LHFPL2: variants seen among roughly 807,000 people sequenced by gnomAD.
The protein encoded by LHFPL2 is LHFPL tetraspan subfamily member 2.
LHFPL2 carries 7 observed loss-of-function variants against 17.5 expected under a neutral mutation model. The observed-to-expected ratio is 0.40, with a 90% CI of 0.23 to 0.75. The LOEUF is 0.75. Among genes scored for constraint, LHFPL2 ranks in the 30% least tolerant of loss-of-function variants. The pLI, the probability that LHFPL2 is intolerant of heterozygous loss-of-function variation, is 0.37. For missense variants in LHFPL2, 241 were observed against 294.8 expected, an observed-to-expected ratio of 0.82 and a Z score of 1.34; for synonymous variants, 134 against 116.2, an observed-to-expected ratio of 1.15 and a Z score of -0.99.
chr5:78,587,491 T>G (rs1244427907), intron 2 of LHFPL2, among the ~76,000 whole-genome samples: 1 of 152,214 alleles, frequency 6.6e-6, no homozygotes, highest in Non-Finnish European at 1.5e-5. Context: ...AGTGGGAGAC[T>G]TAGGCTTGAA....
At chr5:78,491,996 T>C (rs1328428558) in intron 4 of LHFPL2, among the ~76,000 whole-genome samples, 1 of 152,208 alleles carries the variant, frequency 6.6e-6, no homozygotes, top group Non-Finnish European at 1.5e-5. Context: ...TCTTAAATAT[T>C]TCTAAGGCCT....
chr5:78,612,341 T>C (rs1744449002), intron 2 of LHFPL2, among the ~76,000 whole-genome samples: 1 of 152,236 alleles, frequency 6.6e-6, no homozygotes, highest in Non-Finnish European at 1.5e-5. Context: ...AAATCAGTAG[T>C]AGCAGAGTAG....
In LHFPL2 at chr5:78,598,702, C is replaced by G. The variant is rs556559142; in HGVS notation, c.-245+33562G>C. Among the ~76,000 whole-genome samples the G allele has an allele frequency of 5.3e-5, 8 of 152,286 alleles. No individual in the cohort carries two copies. The East Asian group carries it at 1.5e-3, about 29-fold the overall frequency. The stretch of plus-strand genomic sequence containing the variant: ...TTTTATAGCATAAAAATTTAATTCA[C>G]TCCAACAAAATAGATCTCATGTTTC... On this transcript the variant is annotated intron_variant, in intron 2 of 4. Transcript: ENST00000380345.
intron 3 of LHFPL2, among the ~76,000 whole-genome samples, chr5:78,535,637 A>G (rs1160184905): frequency 1.3e-5 from 2 of 151,944 alleles, no homozygotes; most frequent in Non-Finnish European, 2.9e-5. Context: ...TCCCACCCCA[A>G]TGCTGATGCT....
chr5:78,614,664 A>T (rs916543197), intron 2 of LHFPL2, among the ~76,000 whole-genome samples: 5 of 152,262 alleles, frequency 3.3e-5, no homozygotes, highest in Non-Finnish European at 4.4e-5. Context: ...AAATATAAAA[A>T]TAAGAGCATC....
At chr5:78,533,989 G>T (rs6872179) in intron 3 of LHFPL2, among the ~76,000 whole-genome samples, 1 of 152,020 alleles carries the variant, frequency 6.6e-6, no homozygotes, top group Non-Finnish European at 1.5e-5. Context: ...AGCTTCGTGC[G>T]ACCTTCCCGG....
At chr5:78,514,462 C>T (rs1755231014) in intron 3 of LHFPL2, among the ~76,000 whole-genome samples, 2 of 152,048 alleles carry the variant, frequency 1.3e-5, no homozygotes, top group Admixed American at 1.3e-4. Flanking sequence ...GGGAGTCAGT[C>T]CTATGTACAG....
chr5:78,494,315 G>A (rs1754539129), intron 4 of LHFPL2: 2 of 966,148 alleles, frequency 2.1e-6, no homozygotes, highest in Admixed American at 6.2e-5. Context: ...CAAAGACAAC[G>A]CAGCCACCAT....
At chr5:78,504,601 C>A (rs1754876875) in intron 4 of LHFPL2, among the ~76,000 whole-genome samples, 1 of 152,188 alleles carries the variant, frequency 6.6e-6, no homozygotes, top group Non-Finnish European at 1.5e-5. Flanking sequence ...TACTTCCATG[C>A]ATCAGATTTA....
chr5:78,584,993 G>GTTTTTTTTTTTTTT (rs1561352310), intron 2 of LHFPL2, among the ~76,000 whole-genome samples: 3 of 84,758 alleles, frequency 3.5e-5, no homozygotes, highest in African/African-American at 1.5e-4. Flanking sequence ...CTGGTGCGCT[G>GTTTTTTTTTTTTTT]TGTTTTTTTT....
intron 1 of LHFPL2, among the ~76,000 whole-genome samples, chr5:78,639,202 C>T (rs1046540037): frequency 1.3e-5 from 2 of 152,148 alleles, no homozygotes; most frequent in Non-Finnish European, 2.9e-5. Flanking sequence ...TTCAGTGTGG[C>T]CTCTTCACCC....
chr5:78,569,332 C>G lies in LHFPL2; in HGVS notation c.-244-4461G>C, dbSNP rs1217706269. Among the ~76,000 whole-genome samples, 7 of 152,288 alleles carry G rather than the reference C, an allele frequency of 4.6e-5. No individual in the cohort carries two copies. In the East Asian group the frequency reaches 1.3e-3, roughly 29 times the overall value. ...AACTAAAGGAATAATTGTCCAAATC[C>G]TACTTTACTGTGCTCTACTGATACA... On this transcript the variant is annotated intron_variant, in intron 2 of 4. Transcript: ENST00000380345.
rs1754465472 is a variant in LHFPL2, at chr5:78,492,087, A to G, written c.431-2934T>C. Among the ~76,000 whole-genome samples, 4 of 152,248 alleles carry G rather than the reference A, an allele frequency of 2.6e-5. No homozygotes were observed. In the South Asian group the frequency reaches 8.3e-4, roughly 32 times the overall value. ...CCCACAAGGTATGATGGGGATGTTAATAGTCTTCTCCCTCCAGGTCCTAAG... is the reference window on the plus strand; with the variant it reads ...CCCACAAGGTATGATGGGGATGTTAGTAGTCTTCTCCCTCCAGGTCCTAAG... On this transcript the variant is annotated intron_variant, in intron 4 of 4. Transcript: ENST00000380345.
intron 2 of LHFPL2, among the ~76,000 whole-genome samples, chr5:78,578,072 T>C (rs1312063045): frequency 1.3e-5 from 2 of 152,214 alleles, no homozygotes; most frequent in African/African-American, 2.4e-5. Flanking sequence ...GTACAGATGT[T>C]GGCTTGATCT....
chr5:78,571,152 C>T (rs187226441), intron 2 of LHFPL2, among the ~76,000 whole-genome samples: 1 of 152,256 alleles, frequency 6.6e-6, no homozygotes, highest in African/African-American at 2.4e-5. Flanking sequence ...AAAACACACC[C>T]ACCCCCAGCT....
At chr5:78,502,201 CA>C (rs1398365215) in intron 4 of LHFPL2, among the ~76,000 whole-genome samples, 2 of 152,200 alleles carry the variant, frequency 1.3e-5, no homozygotes, top group Non-Finnish European at 2.9e-5. Flanking sequence ...AAAGATCTTA[CA>C]ACCAAGGTCC....
At chr5:78,508,174 C>T (rs1271928118) in intron 4 of LHFPL2, among the ~76,000 whole-genome samples, 2 of 152,106 alleles carry the variant, frequency 1.3e-5, no homozygotes, top group Non-Finnish European at 2.9e-5. Context: ...CTAAAAAGTC[C>T]AAAGGAAGGT....
chr5:78,533,981 C>T (rs919415131), intron 3 of LHFPL2, among the ~76,000 whole-genome samples: 2 of 152,206 alleles, frequency 1.3e-5, no homozygotes, highest in African/African-American at 4.8e-5. Flanking sequence ...CAGGGAGGAG[C>T]TTCGTGCGAC....
At chr5:78,588,166 A>G (rs1367984874) in intron 2 of LHFPL2, among the ~76,000 whole-genome samples, 1 of 152,190 alleles carries the variant, frequency 6.6e-6, no homozygotes, top group Non-Finnish European at 1.5e-5. Context: ...TGTCTGTTCC[A>G]TATTGTTTTT....
Sources: gnomAD v4.1 joint callset for allele counts (sites outside exome capture counted in the v4.1 genomes callset) on GRCh38, gnomAD v4.1.1 for gene constraint, MANE v1.5 for transcripts, NCBI Gene and HGNC (gene_info 2026-07-23, HGNC 2026-07-21) for gene names.